The following NMRK2 variants were observed in gnomAD, a reference collection of about 807,000 sequenced individuals.
The protein encoded by NMRK2 is NRK 2.
In NMRK2, 34 loss-of-function variants were observed where a neutral mutation model predicts 24.7. The ratio of observed to expected loss-of-function variants is 1.37; its 90% confidence interval spans 1.05 to 1.83. NMRK2 has a LOEUF of 1.83. Among genes scored for constraint, NMRK2 ranks in the 40% most tolerant of loss-of-function variants. The pLI is 0.00. For synonymous variants in NMRK2, 145 were observed against 125.6 expected, an observed-to-expected ratio of 1.15 and a Z score of -1.03; for missense variants, 341 against 315.0, an observed-to-expected ratio of 1.08 and a Z score of -0.62.
chr19:3,933,655 C>T lies in NMRK2; in HGVS notation c.-17C>T. The T allele has an allele frequency of 4.0e-6, 6 of 1,516,578 alleles. No individual in the cohort carries two copies. The highest frequency in any genetic ancestry group is 1.2e-5 in the South Asian group (1 of 82,782). The allele number at this position is 1,516,578 out of a possible 1,614,324, so 93.9% of individuals were successfully genotyped here. On this transcript the variant is annotated 5_prime_UTR_variant, in exon 2 of 8. Coordinates refer to ENST00000168977, the MANE Select transcript of NMRK2 (RefSeq NM_170678.3). Reference sequence around the variant, plus strand: ...GGGCTGCCTTGGAAGTCGTCCCCGCCGCCCCTCCGCACCGGCATGAAGCTC... The same window carrying T: ...GGGCTGCCTTGGAAGTCGTCCCCGCTGCCCCTCCGCACCGGCATGAAGCTC...
At chr19:3,936,303 G>C (rs2039211971) in intron 2 of NMRK2, among the ~76,000 whole-genome samples, 1 of 152,170 alleles carries the variant, frequency 6.6e-6, no homozygotes. Context: ...AGCTACTCAG[G>C]AGGCTGAGGC....
intron 3 of NMRK2, 30 bp downstream of exon 3, chr19:3,936,695 TGA>T (rs2039220369): frequency 1.3e-6 from 2 of 1,525,498 alleles, no homozygotes; most frequent in African/African-American, 2.8e-5. Context: ...GAGGTGGAGC[TGA>T]GAGGGGATGC....
chr19:3,937,387 T>C, intron 4 of NMRK2, 99 bp downstream of exon 4: 1 of 502,916 alleles, frequency 2.0e-6, no homozygotes, highest in South Asian at 2.1e-5. Flanking sequence ...TCCGCCCTCC[T>C]GCAATGCCCG....
intron 5 of NMRK2, 33 bp downstream of exon 5, chr19:3,938,792 G>C: frequency 1.4e-6 from 2 of 1,393,498 alleles, no homozygotes; most frequent in Non-Finnish European, 1.9e-6. Context: ...CCCAGGCATG[G>C]CCCTCTCTGG....
At chr19:3,934,331 G>A (rs570345200) in intron 2 of NMRK2, among the ~76,000 whole-genome samples, 7 of 152,172 alleles carry the variant, frequency 4.6e-5, no homozygotes, top group East Asian at 1.9e-4. Flanking sequence ...GCTAAATCGG[G>A]GACTGACACG....
In NMRK2 at chr19:3,937,139, C is replaced by T. The variant is rs1256574652; in HGVS notation, c.118-101C>T. 6 of 1,191,198 alleles carry T rather than the reference C, an allele frequency of 5.0e-6. No individual in the cohort carries two copies. The East Asian group carries it at 7.4e-5, about 15-fold the overall frequency. 73.8% of individuals were successfully genotyped at this position (1,191,198 alleles called of 1,614,324 possible). On this transcript the variant is annotated intron_variant, in intron 3 of 7. Coordinates refer to ENST00000168977, the MANE Select transcript of NMRK2 (RefSeq NM_170678.3). Reference sequence around the variant, plus strand: ...GGCAGAGCCCCCACGCCTCAGGGACCTCAGCAGCTCCAGCAAGGGACCCCC... The same window carrying T: ...GGCAGAGCCCCCACGCCTCAGGGACTTCAGCAGCTCCAGCAAGGGACCCCC...
intron 6 of NMRK2, 80 bp from the exon 7 acceptor site, chr19:3,940,991 C>A: frequency 2.2e-6 from 2 of 918,528 alleles, no homozygotes; most frequent in South Asian, 3.1e-5. Context: ...ACTATGACAG[C>A]TTTCAGGCCC....
At position 3,936,561 on chromosome 19, in the gene NMRK2, C is replaced by T. The variant is rs753987152; in HGVS notation, c.27-14C>T. The T allele has an allele frequency of 4.3e-5, 66 of 1,536,582 alleles. No individual in the cohort carries two copies. The highest frequency in any genetic ancestry group is 7.2e-5 in the South Asian group (6 of 83,266). On this transcript the variant is annotated splice_polypyrimidine_tract_variant and intron_variant, in intron 2 of 7. Coordinates refer to ENST00000168977, the MANE Select transcript of NMRK2 (RefSeq NM_170678.3). ...GGGAGCCCAGGCAGTCTCATGCACA[C>T]GCTGTCTCCCCAGCATGACCAACGG...
rs576258890 is a variant in NMRK2 at position 3,934,246 on chromosome 19, CA to C, written c.26+559del. Among the ~76,000 whole-genome samples, 1,225 of 148,968 alleles carry C rather than the reference CA, an allele frequency of 8.2e-3. 13 individuals are homozygous for C. Among genetic ancestry groups the C allele is most frequent in the African/African-American group, 0.029 (1,163 of 40,718 alleles). ...TGGGCGACAGAGTGAGGCTGTGTCT[CA>C]AAAAAAAAATCAGTAGGGACAGAAA... On this transcript the variant is annotated intron_variant, in intron 2 of 7. Transcript: ENST00000168977.
chr19:3,938,763 A>C lies in NMRK2; in HGVS notation c.323+4A>C. 6.3e-7 allele frequency: 1 copy of C among 1,580,050 alleles called. No individual in the cohort carries two copies. ...GCTTCCTGCTCTACAGCTACAAGTA[A>C]ACATCTGCAGGCTCTGGCCCCAGGC... On this transcript the variant is annotated splice_donor_region_variant and intron_variant, in intron 5 of 7. Transcript: ENST00000168977.
chr19:3,941,799 C>T (rs1244202529), intron 7 of NMRK2, among the ~76,000 whole-genome samples: 1 of 151,946 alleles, frequency 6.6e-6, no homozygotes, highest in African/African-American at 2.4e-5. Flanking sequence ...CGCGTCACCA[C>T]ACCCATCTAA....
At chr19:3,941,247 A>C (rs2039327754) in intron 7 of NMRK2, 70 bp downstream of exon 7, 34 of 607,006 alleles carry the variant, frequency 5.6e-5, no homozygotes, top group Middle Eastern at 4.5e-4. Flanking sequence ...GCCCCTCTCC[A>C]TCTTTTTTTT....
Position 3,938,677 on chromosome 19 carries a change from C to G in NMRK2, c.241C>G (p.Arg81Gly), listed in dbSNP as rs1005088739. 1.4e-5 allele frequency: 22 copies of G among 1,612,702 alleles called. No homozygotes were observed. Among genetic ancestry groups the G allele is most frequent in the Non-Finnish European group, 1.6e-5 (19 of 1,179,520 alleles). Residue 81 changes from arginine to glycine, a missense_variant, in exon 5 of 8, where the codon CGT becomes GGT. Transcript: ENST00000168977. ...GCTGAGCAGCCCGCAGAAGTTTGCC[C>G]GTGCCCACGGGGTCAGCGTCCAGCC... ...AWLSSPQKFA[R>G]AHGVSVQPEA...
intron 3 of NMRK2, 163 bp from the exon 4 acceptor site, chr19:3,937,077 T>G: frequency 1.5e-6 from 1 of 673,678 alleles, no homozygotes. Flanking sequence ...TGAGGGCTAA[T>G]GAGATGATTG....
At chr19:3,935,381 T>C (rs4806965) in intron 2 of NMRK2, among the ~76,000 whole-genome samples, 124,693 of 150,776 alleles carry the variant, frequency 0.83, 51,854 homozygotes, top group East Asian at 0.99. Context: ...TCAGCCTCCC[T>C]AGTAGCTTGG....
chr19:3,940,561 C>G (rs968859037), intron 6 of NMRK2, among the ~76,000 whole-genome samples: 4 of 151,442 alleles, frequency 2.6e-5, no homozygotes, highest in African/African-American at 9.7e-5. Context: ...CATGGTGAAA[C>G]CTATCTCTAC....
intron 6 of NMRK2, 150 bp from the exon 7 acceptor site, chr19:3,940,921 T>C: frequency 1.8e-6 from 1 of 550,900 alleles, no homozygotes; most frequent in Admixed American, 3.3e-5. Context: ...TGCCGGAGGT[T>C]GGAGCCTCTA....
At chr19:3,936,996 C>T (rs1379779131) in intron 3 of NMRK2, among the ~76,000 whole-genome samples, 1 of 152,130 alleles carries the variant, frequency 6.6e-6, no homozygotes, top group Non-Finnish European at 1.5e-5. Flanking sequence ...CCCTTTATTC[C>T]TCTCCACCTC....
chr19:3,941,300 A>C (rs2039329604), intron 7 of NMRK2, 123 bp downstream of exon 7: 1 of 567,694 alleles, frequency 1.8e-6, no homozygotes, highest in East Asian at 3.0e-5. Context: ...CCCAGGCTGG[A>C]GTACAGTGGC....
Sources: gnomAD v4.1 joint callset for allele counts (sites outside exome capture counted in the v4.1 genomes callset) on GRCh38, gnomAD v4.1.1 for gene constraint, MANE v1.5 for transcripts, NCBI Gene and HGNC (gene_info 2026-07-23, HGNC 2026-07-21) for gene names.